The following CRYBG3 variants were observed in gnomAD, a reference collection of about 807,000 sequenced individuals.
CRYBG3 encodes the protein very large A-kinase anchor protein.
In CRYBG3, 127 loss-of-function variants were observed where a neutral mutation model predicts 244.2. The observed-to-expected ratio is 0.52, with a 90% confidence interval of 0.45 to 0.60. The LOEUF is 0.60. CRYBG3 is among the 20% of genes least tolerant of loss of function. The pLI, the probability that CRYBG3 is intolerant of heterozygous loss-of-function variation, is 0.00. For missense variants in CRYBG3, 3,325 were observed against 3,442.5 expected, an observed-to-expected ratio of 0.97 and a Z score of 0.85; for synonymous variants, 1,132 against 1,195.8, an observed-to-expected ratio of 0.95 and a Z score of 1.10.
At chr3:97,888,313 C>G in intron 8 of CRYBG3, 28 bp from the exon 9 acceptor site, 1 of 1,384,230 alleles carries the variant, frequency 7.2e-7, no homozygotes, top group Non-Finnish European at 1.0e-6. Flanking sequence ...TACTATTATA[C>G]TTTAACTAAC....
chr3:97,940,263 T>C (rs2040212447), intron 19 of CRYBG3, among the ~76,000 whole-genome samples: 1 of 152,042 alleles, frequency 6.6e-6, no homozygotes, highest in Admixed American at 6.6e-5. Context: ...TCGTCTCTTA[T>C]TCCCTGTGCC....
chr3:97,822,340 G>T lies in CRYBG3; in HGVS notation c.134G>T (p.Gly45Val), dbSNP rs2038512514. 2 of 1,505,880 alleles carry T rather than the reference G, an allele frequency of 1.3e-6. No homozygotes were observed. Among genetic ancestry groups the T allele is most frequent in the South Asian group, 2.5e-5 (2 of 81,036 alleles). 93.3% of individuals were successfully genotyped at this position (1,505,880 alleles called of 1,614,324 possible). ...GGGACGAGCCCGCCTCCAGCTCCAG[G>T]CCGGTCCGCTGCCAGGTGGGAGTCG... is the stretch of plus-strand genomic sequence containing the variant. ...RPGTSPPPAP[G>V]RSAASVENEP... Residue 45 changes from glycine (G) to valine (V), a missense_variant, in exon 1 of 22, where the codon GGC becomes GTC. Physicochemically the swap from Gly to Val is moderately radical, Grantham distance 109. Around this residue, in one of 4 missense-constraint regions of CRYBG3, gnomAD observed 1,526 missense variants for 1,443.2 expected, o/e 1.06. Transcript: ENST00000389622.
intron 6 of CRYBG3, among the ~76,000 whole-genome samples, chr3:97,880,344 T>C (rs1382887285): frequency 6.6e-6 from 1 of 152,226 alleles, no homozygotes; most frequent in Non-Finnish European, 1.5e-5. Flanking sequence ...ATCTATACAA[T>C]CAATACCATT....
At chr3:97,893,776 AT>A (rs2039608301) in intron 11 of CRYBG3, among the ~76,000 whole-genome samples, 1 of 152,174 alleles carries the variant, frequency 6.6e-6, no homozygotes, top group Non-Finnish European at 1.5e-5. Flanking sequence ...ACATCATATA[AT>A]TTTGCTAATA....
intron 15 of CRYBG3, among the ~76,000 whole-genome samples, chr3:97,906,955 AG>A (rs1368974427): frequency 1.5e-4 from 22 of 149,622 alleles, no homozygotes; most frequent in African/African-American, 4.9e-4. Context: ...TTTAGCATGA[AG>A]GGTTGTTGAA....
chr3:97,913,883 G>T (rs2039899855), intron 16 of CRYBG3, among the ~76,000 whole-genome samples: 1 of 152,138 alleles, frequency 6.6e-6, no homozygotes, highest in Admixed American at 6.6e-5. Context: ...GTAATTAGCT[G>T]GTAGTGAGTA....
At chr3:97,931,494 C>T (rs1337745748) in intron 17 of CRYBG3, among the ~76,000 whole-genome samples, 1 of 152,034 alleles carries the variant, frequency 6.6e-6, no homozygotes, top group Non-Finnish European at 1.5e-5. Context: ...ATTTTCTTAT[C>T]CATGGCTCTA....
rs528234583 is a variant in CRYBG3, at chr3:97,873,877, G to A, written c.2683G>A (p.Gly895Arg). 1 of 1,535,772 alleles carries A rather than the reference G, an allele frequency of 6.5e-7. No individual in the cohort carries two copies. Among genetic ancestry groups the A allele is most frequent in the Non-Finnish European group, 8.7e-7 (1 of 1,146,816 alleles). ...TCAATCAATTAATCATAATGAGATA[G>A]GAGAGAAATGTTCAGATGCTGGCCT... ...RFQSINHNEI[G>R]EKCSDAGLKE... Residue 895 changes from glycine to arginine, a missense_variant, in exon 4 of 22, where the codon GGA (glycine) becomes AGA (arginine). Gly to Arg is a moderately radical substitution (Grantham distance 125, BLOSUM62 -2). This residue lies in a region of CRYBG3 where 1,526 missense variants were observed against 1,443.2 expected (regional missense o/e 1.06). Transcript: ENST00000389622.
intron 3 of CRYBG3, among the ~76,000 whole-genome samples, chr3:97,866,364 G>A (rs577559557): frequency 3.3e-5 from 5 of 152,196 alleles, no homozygotes; most frequent in African/African-American, 7.2e-5. Flanking sequence ...ACCAGTGTCC[G>A]ACAGCAGAAA....
intron 12 of CRYBG3, among the ~76,000 whole-genome samples, chr3:97,898,524 A>G (rs2108238587): frequency 6.6e-6 from 1 of 152,266 alleles, no homozygotes; most frequent in South Asian, 2.1e-4. Flanking sequence ...ACACATTGCC[A>G]CAGTACACTA....
chr3:97,913,121 T>G (rs1164271684), intron 16 of CRYBG3, among the ~76,000 whole-genome samples: 1 of 152,204 alleles, frequency 6.6e-6, no homozygotes, highest in Non-Finnish European at 1.5e-5. Flanking sequence ...TCATCTTATT[T>G]CTAGTGTTTA....
At chr3:97,932,892 C>T (rs1039031522) in intron 17 of CRYBG3, among the ~76,000 whole-genome samples, 3 of 152,110 alleles carry the variant, frequency 2.0e-5, no homozygotes, top group Admixed American at 1.3e-4. Flanking sequence ...CAAGCCACCA[C>T]ATCCATGAAG....
In CRYBG3 at chr3:97,875,463, T is replaced by TA. The variant is rs1236181710; in HGVS notation, c.4270dup (p.Thr1424AsnfsTer6). 30 of 1,323,854 alleles carry TA rather than the reference T, an allele frequency of 2.3e-5. No homozygotes were observed. Among genetic ancestry groups the TA allele is most frequent in the Non-Finnish European group, 2.6e-5 (27 of 1,044,252 alleles). The allele number at this position is 1,323,854 out of a possible 1,614,324, so 82.0% of individuals were successfully genotyped here. Reference sequence around the variant, plus strand: ...ATAGTATAAATTTGCAGGAATCAGATACGGTTTTACTAGCTGAAGACATGT... The same window carrying TA: ...ATAGTATAAATTTGCAGGAATCAGATAACGGTTTTACTAGCTGAAGACATGT... On this transcript the variant is annotated frameshift_variant, in exon 4 of 22. Coordinates refer to ENST00000389622, the MANE Select transcript of CRYBG3 (RefSeq NM_153605.4). LOFTEE classifies it high-confidence loss of function.
intron 1 of CRYBG3, among the ~76,000 whole-genome samples, chr3:97,825,332 T>A (rs549905645): frequency 5.3e-5 from 8 of 152,354 alleles, no homozygotes; most frequent in Admixed American, 5.2e-4. Context: ...GTATCATGCA[T>A]GATGGACCTG....
intron 10 of CRYBG3, among the ~76,000 whole-genome samples, chr3:97,891,040 T>C (rs2039569831): frequency 6.6e-6 from 1 of 152,204 alleles, no homozygotes; most frequent in Non-Finnish European, 1.5e-5. Context: ...GGAAGTTTTG[T>C]ATTTAAATTC....
At position 97,874,305 on chromosome 3, in the gene CRYBG3, G is replaced by A; in HGVS notation, c.3111G>A (p.Leu1037=). The A allele has an allele frequency of 6.5e-7, 1 of 1,527,456 alleles. No homozygotes were observed. Among genetic ancestry groups the A allele is most frequent in the Non-Finnish European group, 8.7e-7 (1 of 1,144,838 alleles). 94.6% of individuals were successfully genotyped at this position (1,527,456 alleles called of 1,614,324 possible). The change falls in exon 4 of 22, where the codon TTG becomes TTA. Residue 1037 remains leucine (L), a synonymous_variant. Transcript: ENST00000389622. Reference sequence around the variant, plus strand: ...TTAAAGTACCTTCTGTGCTGAAATTGGAAAAGAAATCCTCATCTTACAGAA... The same window carrying A: ...TTAAAGTACCTTCTGTGCTGAAATTAGAAAAGAAATCCTCATCTTACAGAA... The part of the protein sequence containing the change: ...SFLKVPSVLK[L]EKKSSSYRKK...
At chr3:97,925,866 A>C (rs913311350) in intron 17 of CRYBG3, among the ~76,000 whole-genome samples, 29 of 152,010 alleles carry the variant, frequency 1.9e-4, no homozygotes, top group Non-Finnish European at 8.8e-5. Context: ...AAATAAGGAG[A>C]AAACAAAGAT....
chr3:97,895,618 C>G (rs1261519016), intron 11 of CRYBG3, among the ~76,000 whole-genome samples: 1 of 152,070 alleles, frequency 6.6e-6, no homozygotes, highest in Non-Finnish European at 1.5e-5. Flanking sequence ...AATTTGTATC[C>G]TTTCTCATTG....
chr3:97,942,341 G>C lies in CRYBG3; in HGVS notation c.8722G>C (p.Ala2908Pro). 6.2e-7 allele frequency: 1 copy of C among 1,611,764 alleles called. No homozygotes were observed. Among genetic ancestry groups the C allele is most frequent in the Non-Finnish European group, 8.5e-7 (1 of 1,178,538 alleles). ...CCGGGACACACCTGGAGCTAAAGTA[G>C]CTCTATGGACTGAACATGGGCAATT... Reference protein sequence around the residue: ...GGRDTPGAKVALWTEHGQFRQ... With the variant: ...GGRDTPGAKVPLWTEHGQFRQ... The change falls in exon 21 of 22, where the codon GCT (alanine) becomes CCT (proline). Residue 2908 changes from alanine to proline, a missense_variant. By Grantham distance (27) the Ala-to-Pro change is conservative. Coordinates refer to ENST00000389622, the MANE Select transcript of CRYBG3 (RefSeq NM_153605.4).
Sources: allele counts gnomAD v4.1 joint callset (sites outside exome capture counted in the v4.1 genomes callset), GRCh38; gene constraint gnomAD v4.1.1; regional missense constraint gnomAD v4.1.1; transcripts MANE v1.5; gene names NCBI Gene and HGNC (gene_info 2026-07-23, HGNC 2026-07-21).